OSBPL8: variants seen among roughly 807,000 people sequenced by gnomAD.
The protein encoded by OSBPL8 is oxysterol binding protein like 8, also known as oxysterol-binding protein-related protein 8.
A neutral mutation model predicts 125.5 loss-of-function variants in OSBPL8; 59 were observed. That is an observed-to-expected ratio of 0.47 (90% CI 0.38 to 0.58). OSBPL8 has a LOEUF of 0.58. Among genes scored for constraint, OSBPL8 ranks in the 20% least tolerant of loss-of-function variants. The pLI is 0.00. For synonymous variants in OSBPL8, 330 were observed against 338.9 expected, an observed-to-expected ratio of 0.97 and a Z score of 0.29; for missense variants, 758 against 1,047.8, an observed-to-expected ratio of 0.72 and a Z score of 3.82.
intron 20 of OSBPL8, 116 bp downstream of exon 20, chr12:76,369,521 C>T (rs2136189310): frequency 7.5e-7 from 1 of 1,324,550 alleles, no homozygotes; most frequent in Non-Finnish European, 1.0e-6. Flanking sequence ...AAAAATCTCA[C>T]ACTAATATAC....
intron 1 of OSBPL8, among the ~76,000 whole-genome samples, chr12:76,511,067 T>C (rs1880938130): frequency 6.6e-6 from 1 of 152,132 alleles, no homozygotes; most frequent in Non-Finnish European, 1.5e-5. Flanking sequence ...ATGTACATGA[T>C]GTTACCTAAA....
At chr12:76,490,533 G>C (rs1327091196) in intron 1 of OSBPL8, among the ~76,000 whole-genome samples, 1 of 152,178 alleles carries the variant, frequency 6.6e-6, no homozygotes, top group Non-Finnish European at 1.5e-5. Context: ...GAGAAGGCTG[G>C]GCTTCAGGGA....
intron 4 of OSBPL8, among the ~76,000 whole-genome samples, chr12:76,431,724 CAACTTCAATGCACCTAAATATAT>C (rs1397168899): frequency 6.6e-6 from 1 of 152,058 alleles, no homozygotes; most frequent in Non-Finnish European, 1.5e-5. Context: ...TATATGCACC[CAACTTCAATGCACCTAAATATAT>C]AAAGCAAACA....
chr12:76,358,599 C>G, intron 22 of OSBPL8, 107 bp downstream of exon 22: 1 of 965,862 alleles, frequency 1.0e-6, no homozygotes, highest in Non-Finnish European at 1.6e-6. Context: ...AACCCTGCCC[C>G]GACCAAAACT....
intron 4 of OSBPL8, among the ~76,000 whole-genome samples, chr12:76,415,349 G>A (rs1300351542): frequency 6.6e-6 from 1 of 151,590 alleles, no homozygotes; most frequent in Admixed American, 6.6e-5. Flanking sequence ...CCGGGTTCAA[G>A]CGATTCTCCT....
intron 1 of OSBPL8, among the ~76,000 whole-genome samples, chr12:76,495,631 G>T (rs1042287348): frequency 6.6e-6 from 1 of 150,884 alleles, no homozygotes. Flanking sequence ...TTCATAAAAG[G>T]CAAACGACAA....
intron 21 of OSBPL8, among the ~76,000 whole-genome samples, chr12:76,360,249 C>T (rs1028421953): frequency 6.6e-6 from 1 of 152,226 alleles, no homozygotes; most frequent in Non-Finnish European, 1.5e-5. Flanking sequence ...GGTCATAGGG[C>T]CCATGCAAGT....
intron 23 of OSBPL8, among the ~76,000 whole-genome samples, chr12:76,356,363 C>T (rs1951986817): frequency 6.6e-6 from 1 of 152,182 alleles, no homozygotes; most frequent in Admixed American, 6.5e-5. Context: ...AACCCAGCTA[C>T]ATTCCTAGCA....
intron 1 of OSBPL8, among the ~76,000 whole-genome samples, chr12:76,509,377 T>C (rs1487744846): frequency 1.3e-5 from 2 of 152,312 alleles, no homozygotes; most frequent in East Asian, 1.9e-4. Flanking sequence ...GTATCTACAG[T>C]AGATTAAATC....
intron 10 of OSBPL8, 76 bp downstream of exon 10, chr12:76,392,505 T>C: frequency 7.1e-7 from 1 of 1,398,748 alleles, no homozygotes; most frequent in Middle Eastern, 1.9e-4. Flanking sequence ...ACTACTAAAA[T>C]TCTAGGCCTG....
intron 1 of OSBPL8, among the ~76,000 whole-genome samples, chr12:76,538,594 T>C (rs1950559551): frequency 6.6e-6 from 1 of 152,182 alleles, no homozygotes; most frequent in Admixed American, 6.5e-5. Context: ...TCAAAGGCTT[T>C]ATCATTGTAA....
intron 4 of OSBPL8, among the ~76,000 whole-genome samples, chr12:76,413,602 G>A (rs879769786): frequency 5.3e-5 from 8 of 152,078 alleles, no homozygotes; most frequent in Non-Finnish European, 8.8e-5. Context: ...CTCCATAACC[G>A]TAGTAACTTC....
intron 1 of OSBPL8, among the ~76,000 whole-genome samples, chr12:76,509,044 A>G (rs1313801481): frequency 2.0e-5 from 3 of 152,226 alleles, no homozygotes; most frequent in Admixed American, 6.5e-5. Context: ...GTGAGATCCA[A>G]GAACCCTCTC....
intron 1 of OSBPL8, among the ~76,000 whole-genome samples, chr12:76,523,320 C>T (rs1259652191): frequency 1.3e-5 from 2 of 152,072 alleles, no homozygotes. Context: ...TATTCTTCTT[C>T]CCTGAAACCA....
At chr12:76,557,670 T>A (rs1468379321) in intron 1 of OSBPL8, among the ~76,000 whole-genome samples, 1 of 151,736 alleles carries the variant, frequency 6.6e-6, no homozygotes, top group Non-Finnish European at 1.5e-5. Context: ...CATAATTTCA[T>A]CATTTTTCTT....
At chr12:76,487,640 T>C (rs1878297547) in intron 1 of OSBPL8, 22 bp from the exon 2 acceptor site, 1 of 1,053,850 alleles carries the variant, frequency 9.5e-7, no homozygotes, top group Non-Finnish European at 1.4e-6. Context: ...AAATGATATT[T>C]ATTAGGACTG....
intron 1 of OSBPL8, among the ~76,000 whole-genome samples, chr12:76,535,381 AACGCAAATGAAAAACCACAATGAG>A (rs1198774298): frequency 3.3e-5 from 5 of 152,310 alleles, no homozygotes; most frequent in African/African-American, 9.6e-5. Context: ...TCATCAGCGA[AACGCAAATGAAAAACCACAATGAG>A]ATACTATTAC....
At chr12:76,495,446 T>C (rs914462169) in intron 1 of OSBPL8, among the ~76,000 whole-genome samples, 4 of 152,218 alleles carry the variant, frequency 2.6e-5, no homozygotes, top group African/African-American at 4.8e-5. Context: ...ATTTGGACAA[T>C]GTACTGTGGT....
chr12:76,445,933 T>G (rs774947105), intron 4 of OSBPL8, among the ~76,000 whole-genome samples: 2 of 152,134 alleles, frequency 1.3e-5, no homozygotes, highest in Non-Finnish European at 2.9e-5. Flanking sequence ...TTTGAAAAAT[T>G]TGAACCTCCA....
Sources: gnomAD v4.1 joint callset for allele counts (sites outside exome capture counted in the v4.1 genomes callset) on GRCh38, gnomAD v4.1.1 for gene constraint, MANE v1.5 for transcripts, NCBI Gene and HGNC (gene_info 2026-07-23, HGNC 2026-07-21) for gene names.